The following RHOBTB3 variants were observed in gnomAD, a reference collection of about 807,000 sequenced individuals.
The protein encoded by RHOBTB3 is rho-related BTB domain-containing protein 3.
RHOBTB3 carries 47 observed loss-of-function variants against 67.2 expected under a neutral mutation model. The ratio of observed to expected loss-of-function variants is 0.70; its 90% confidence interval spans 0.55 to 0.89. The LOEUF is 0.89. Among genes scored for constraint, RHOBTB3 ranks in the 40% least tolerant of loss-of-function variants. RHOBTB3 has a pLI of 0.00. For synonymous variants in RHOBTB3, 273 were observed against 274.2 expected (o/e 1.00, Z 0.04); for missense variants, 631 against 750.0 (o/e 0.84, Z 1.85).
intron 11 of RHOBTB3, among the ~76,000 whole-genome samples, chr5:95,792,428 G>C (rs1470308195): frequency 8.2e-6 from 1 of 121,630 alleles, no homozygotes. Context: ...GAAAAGAAAA[G>C]AAAACTAAGT....
In RHOBTB3 at chr5:95,732,057, G is replaced by A. The variant is rs1755287658; in HGVS notation, c.201G>A (p.Lys67=). The change falls in exon 2 of 12, where the codon AAG becomes AAA. Residue 67 remains lysine (K), a synonymous_variant. Transcript: ENST00000379982. ...EYQASAFGNV[K]LVVHDCPVWD... ...AGGCCAGTGCGTTTGGGAATGTCAAGCTGGTGGTCCACGACTGTCCCGTCT... is the reference window on the plus strand; with the variant it reads ...AGGCCAGTGCGTTTGGGAATGTCAAACTGGTGGTCCACGACTGTCCCGTCT... 1 of 1,614,234 alleles carries A rather than the reference G, an allele frequency of 6.2e-7. No individual in the cohort carries two copies. The highest frequency in any genetic ancestry group is 1.1e-5 in the South Asian group (1 of 91,088).
In RHOBTB3 at chr5:95,783,948, G is replaced by A. The variant is rs971421978; in HGVS notation, c.1608G>A (p.Leu536=). 22 of 1,611,900 alleles carry A rather than the reference G, an allele frequency of 1.4e-5. No individual in the cohort carries two copies. The highest frequency in any genetic ancestry group is 1.8e-5 in the Non-Finnish European group (21 of 1,178,608). Reference sequence around the variant, plus strand: ...CCATGAACCTTGATATAGTTGACCTGCTTAAAAAGGCCAAGGTAATTGACT... The same window carrying A: ...CCATGAACCTTGATATAGTTGACCTACTTAAAAAGGCCAAGGTAATTGACT... ...LASMNLDIVD[L]LKKAKFHHSD... The change falls in exon 10 of 12, where the codon CTG becomes CTA. Residue 536 remains leucine, a synonymous_variant. Coordinates refer to ENST00000379982, the MANE Select transcript of RHOBTB3 (RefSeq NM_014899.4).
intron 5 of RHOBTB3, among the ~76,000 whole-genome samples, chr5:95,754,991 A>G (rs1488663332): frequency 6.6e-6 from 1 of 152,206 alleles, no homozygotes; most frequent in African/African-American, 2.4e-5. Context: ...ATCAAAGGTA[A>G]AAGTAAAGAA....
chr5:95,777,225 T>C (rs1745914146), intron 8 of RHOBTB3, among the ~76,000 whole-genome samples: 1 of 152,218 alleles, frequency 6.6e-6, no homozygotes, highest in African/African-American at 2.4e-5. Context: ...AGTACATATT[T>C]TGGATCTCTC....
Position 95,732,006 on chromosome 5 carries a change from C to G in RHOBTB3, c.150C>G (p.Val50=). The change falls in exon 2 of 12, where the codon GTC becomes GTG. Residue 50 remains valine (V), a synonymous_variant. Transcript: ENST00000379982. ...SSLLLNAAST[V]ARPVFTEYQA... Reference sequence around the variant, plus strand: ...TGTTGCTGAACGCGGCCAGCACGGTCGCGCGTCCGGTGTTCACCGAGTATC... The same window carrying G: ...TGTTGCTGAACGCGGCCAGCACGGTGGCGCGTCCGGTGTTCACCGAGTATC... 1 of 1,614,160 alleles carries G rather than the reference C, an allele frequency of 6.2e-7. No individual in the cohort carries two copies. Among genetic ancestry groups the G allele is most frequent in the Non-Finnish European group, 8.5e-7 (1 of 1,180,042 alleles).
chr5:95,754,456 T>G (rs575001049), intron 5 of RHOBTB3, among the ~76,000 whole-genome samples: 1 of 152,284 alleles, frequency 6.6e-6, no homozygotes, highest in East Asian at 1.9e-4. Flanking sequence ...ACTTCGTTAT[T>G]ATCTGTTTTA....
At chr5:95,731,310 A>G (rs1313405179), upstream of RHOBTB3, 3 of 1,050,474 alleles carry the variant, frequency 2.9e-6, no homozygotes, top group Non-Finnish European at 3.4e-6. Flanking sequence ...TTCTCTGCTT[A>G]GAGGAGGAGG....
intron 1 of RHOBTB3, chr5:95,719,860 T>C (rs1754812677): frequency 6.6e-6 from 1 of 152,234 alleles, no homozygotes; most frequent in South Asian, 2.1e-4. Context: ...TATCTCTCTG[T>C]GATAACTCGG....
intron 11 of RHOBTB3, among the ~76,000 whole-genome samples, chr5:95,791,161 A>T (rs1472802997): frequency 2.0e-5 from 3 of 152,052 alleles, no homozygotes; most frequent in East Asian, 1.9e-4. Flanking sequence ...GAATTCTACA[A>T]CTTGTTTTCT....
chr5:95,793,262 C>A lies in RHOBTB3; in HGVS notation c.*88C>A. The A allele has an allele frequency of 1.3e-6, 1 of 798,276 alleles. No homozygotes were observed. The highest frequency in any genetic ancestry group is 2.8e-5 in the Admixed American group (1 of 36,086). The allele number at this position is 798,276 out of a possible 1,614,324, so 49.4% of individuals were successfully genotyped here. On this transcript the variant is annotated 3_prime_UTR_variant, in exon 12 of 12. Coordinates refer to ENST00000379982, the MANE Select transcript of RHOBTB3 (RefSeq NM_014899.4). ...TCCAGTAAAATTCTTCTGACCGAAACCAATGTGGGTGTTAGAAAAATTACC... is the reference window on the plus strand; with the variant it reads ...TCCAGTAAAATTCTTCTGACCGAAAACAATGTGGGTGTTAGAAAAATTACC...
In RHOBTB3 at chr5:95,793,054, T is replaced by C; in HGVS notation, c.1721-5T>C. On this transcript the variant is annotated splice_region_variant and splice_polypyrimidine_tract_variant and intron_variant, in intron 11 of 11. Coordinates refer to ENST00000379982, the MANE Select transcript of RHOBTB3 (RefSeq NM_014899.4). ...CGGTTAACAGTCTTTTTCTTAAAAC[T>C]TCAGTGGAAGAACGCAGTTTTGTTG... 1 of 1,603,128 alleles carries C rather than the reference T, an allele frequency of 6.2e-7. No homozygotes were observed. Among genetic ancestry groups the C allele is most frequent in the South Asian group, 1.1e-5 (1 of 90,058 alleles).
At chr5:95,752,968 A>C (rs958734938) in intron 5 of RHOBTB3, among the ~76,000 whole-genome samples, 2 of 152,022 alleles carry the variant, frequency 1.3e-5, no homozygotes, top group African/African-American at 2.4e-5. Context: ...CGTCTCCACT[A>C]AAAATACAAA....
chr5:95,762,197 C>T (rs764943851), intron 6 of RHOBTB3, among the ~76,000 whole-genome samples: 15 of 152,172 alleles, frequency 9.9e-5, no homozygotes, highest in South Asian at 2.1e-4. Context: ...ATTTGACTCC[C>T]TCCCCCAGGA....
intron 8 of RHOBTB3, among the ~76,000 whole-genome samples, chr5:95,777,617 A>G (rs1295657772): frequency 1.3e-5 from 2 of 152,220 alleles, no homozygotes; most frequent in African/African-American, 4.8e-5. Flanking sequence ...CATAAACCGC[A>G]TTATGTTCCT....
intron 11 of RHOBTB3, 26 bp from the exon 12 acceptor site, chr5:95,793,033 T>A: frequency 6.8e-7 from 1 of 1,472,054 alleles, no homozygotes; most frequent in Non-Finnish European, 9.5e-7. Flanking sequence ...CATATTCGGT[T>A]AACAGTCTTT....
At chr5:95,727,086 T>C (rs1755077233), upstream of RHOBTB3, among the ~76,000 whole-genome samples, 1 of 152,230 alleles carries the variant, frequency 6.6e-6, no homozygotes, top group South Asian at 2.1e-4. Context: ...AAAAATTGCG[T>C]TTGTTTTTAA....
chr5:95,742,920 A>G (rs1437005304), intron 3 of RHOBTB3, among the ~76,000 whole-genome samples: 1 of 152,124 alleles, frequency 6.6e-6, no homozygotes, highest in Non-Finnish European at 1.5e-5. Flanking sequence ...AAAGTACAAA[A>G]ATTAGCCAGG....
chr5:95,767,039 C>T (rs1745566801), intron 7 of RHOBTB3, among the ~76,000 whole-genome samples: 2 of 151,942 alleles, frequency 1.3e-5, no homozygotes, highest in African/African-American at 4.8e-5. Flanking sequence ...GGAAAAATGG[C>T]AAAACCCTGT....
At chr5:95,721,028 C>A (rs772873443) in intron 1 of RHOBTB3, among the ~76,000 whole-genome samples, 4 of 152,174 alleles carry the variant, frequency 2.6e-5, no homozygotes, top group Admixed American at 6.5e-5. Context: ...CTAAACATGA[C>A]ACATCCCTTA....
Sources: gnomAD v4.1 joint callset for allele counts (sites outside exome capture counted in the v4.1 genomes callset) on GRCh38, gnomAD v4.1.1 for gene constraint, MANE v1.5 for transcripts, NCBI Gene and HGNC (gene_info 2026-07-23, HGNC 2026-07-21) for gene names.